Variants in UNC5D observed in about 807,000 individuals in gnomAD.
UNC5D encodes unc-5 netrin receptor D, also known as netrin receptor UNC5D.
UNC5D carries 39 observed loss-of-function variants against 105.4 expected under a neutral mutation model. That is an observed-to-expected ratio of 0.37 (90% CI 0.29 to 0.48). The LOEUF is 0.48. Among genes scored for constraint, UNC5D ranks in the 20% least tolerant of loss-of-function variants. The pLI, the probability that UNC5D is intolerant of heterozygous loss-of-function variation, is 0.98. For synonymous variants in UNC5D, 452 were observed against 450.4 expected (o/e 1.00, Z -0.04); for missense variants, 991 against 1,202.4 (o/e 0.82, Z 2.60).
chr8:35,737,924 T>C (rs949961373), intron 11 of UNC5D, among the ~76,000 whole-genome samples: 2 of 151,950 alleles, frequency 1.3e-5, no homozygotes, highest in African/African-American at 4.8e-5. Flanking sequence ...CTGACCAACA[T>C]GGAAAAACCC....
intron 3 of UNC5D, among the ~76,000 whole-genome samples, chr8:35,591,798 T>C: frequency 6.6e-6 from 1 of 152,082 alleles, no homozygotes; most frequent in Admixed American, 6.6e-5. Flanking sequence ...ATAGAACCGA[T>C]GATAGAACAA....
chr8:35,688,785 A>G (rs1826195677), intron 7 of UNC5D, among the ~76,000 whole-genome samples: 1 of 152,260 alleles, frequency 6.6e-6, no homozygotes, highest in Non-Finnish European at 1.5e-5. Context: ...TTTCCACTAC[A>G]GGAAAATACA....
intron 1 of UNC5D, among the ~76,000 whole-genome samples, chr8:35,501,395 C>T (rs534400757): frequency 6.0e-4 from 91 of 152,088 alleles, no homozygotes; most frequent in Non-Finnish European, 8.7e-4. Context: ...GGCATAAGGC[C>T]GGGGAAAGAA....
intron 4 of UNC5D, among the ~76,000 whole-genome samples, chr8:35,646,015 A>T (rs1823023571): frequency 6.6e-6 from 1 of 152,174 alleles, no homozygotes; most frequent in African/African-American, 2.4e-5. Context: ...AGAGACTGTC[A>T]ACCCAGGAAG....
In UNC5D at chr8:35,619,780, C is replaced by T. The variant is rs115159355; in HGVS notation, c.570+24123C>T. ...GAAGACACCTCCTTTTAGAATTGCT[C>T]TGCCAGATGCTGTGACCACAGTCCC... On this transcript the variant is annotated intron_variant, in intron 4 of 16. Transcript: ENST00000404895. Among the ~76,000 whole-genome samples, 968 of 152,338 alleles carry T rather than the reference C, an allele frequency of 6.4e-3. 6 individuals carry two copies. The highest frequency in any genetic ancestry group is 0.023 in the African/African-American group (938 of 41,576).
chr8:35,287,549 C>T (rs1042255174), intron 1 of UNC5D, among the ~76,000 whole-genome samples: 7 of 52,260 alleles, frequency 1.3e-4, no homozygotes, highest in African/African-American at 1.9e-4. Context: ...AATCCCAGTA[C>T]TTTGGGGGGC....
chr8:35,325,850 C>T (rs1810112642), intron 1 of UNC5D, among the ~76,000 whole-genome samples: 1 of 152,054 alleles, frequency 6.6e-6, no homozygotes. Context: ...TTAATGGTCA[C>T]CAAAACATCA....
At chr8:35,694,641 T>G (rs1826630254) in intron 7 of UNC5D, among the ~76,000 whole-genome samples, 1 of 152,084 alleles carries the variant, frequency 6.6e-6, no homozygotes, top group African/African-American at 2.4e-5. Flanking sequence ...CTAATCTGAG[T>G]GAAGCATTTT....
At chr8:35,485,187 G>A (rs1261354708) in intron 1 of UNC5D, among the ~76,000 whole-genome samples, 1 of 152,102 alleles carries the variant, frequency 6.6e-6, no homozygotes, top group South Asian at 2.1e-4. Context: ...ACAGTAGTTG[G>A]TGGCATAATT....
intron 1 of UNC5D, among the ~76,000 whole-genome samples, chr8:35,538,417 A>AG (rs1815022731): frequency 1.5e-5 from 2 of 129,820 alleles, no homozygotes; most frequent in East Asian, 4.4e-4. Flanking sequence ...ATATATATAT[A>AG]TATATATATA....
intron 1 of UNC5D, among the ~76,000 whole-genome samples, chr8:35,478,794 A>G (rs531475937): frequency 1.3e-5 from 2 of 152,314 alleles, no homozygotes; most frequent in East Asian, 1.9e-4. Context: ...GTCAAGTACA[A>G]CATTCTTTAA....
intron 1 of UNC5D, among the ~76,000 whole-genome samples, chr8:35,376,906 A>G (rs565707964): frequency 6.6e-6 from 1 of 152,302 alleles, no homozygotes; most frequent in East Asian, 1.9e-4. Context: ...CAAAAGTCAT[A>G]TCTTTTTCAT....
chr8:35,622,476 C>T (rs1821421141), intron 4 of UNC5D, among the ~76,000 whole-genome samples: 1 of 152,112 alleles, frequency 6.6e-6, no homozygotes, highest in African/African-American at 2.4e-5. Context: ...ATCTAAGTTC[C>T]TCCTCTTGTT....
intron 1 of UNC5D, among the ~76,000 whole-genome samples, chr8:35,374,326 A>G (rs1012098440): frequency 6.6e-6 from 1 of 152,186 alleles, no homozygotes; most frequent in Non-Finnish European, 1.5e-5. Context: ...ACTGGTGAAA[A>G]GAAGTTGGAG....
At chr8:35,315,608 A>C (rs1006427477) in intron 1 of UNC5D, among the ~76,000 whole-genome samples, 1 of 152,200 alleles carries the variant, frequency 6.6e-6, no homozygotes, top group Non-Finnish European at 1.5e-5. Flanking sequence ...TCACTTAGTT[A>C]ACCCAGATTG....
chr8:35,570,049 G>A (rs1817614234), intron 3 of UNC5D, among the ~76,000 whole-genome samples: 2 of 152,128 alleles, frequency 1.3e-5, no homozygotes, highest in Non-Finnish European at 2.9e-5. Context: ...AAACTTCCAG[G>A]GGTTTTGTCC....
intron 7 of UNC5D, among the ~76,000 whole-genome samples, chr8:35,702,580 G>A (rs1052297270): frequency 6.6e-6 from 1 of 152,084 alleles, no homozygotes; most frequent in African/African-American, 2.4e-5. Flanking sequence ...ATGTTCCATG[G>A]CCGGGAGCCT....
In UNC5D at chr8:35,793,268, G is replaced by A. The variant is rs574150199; in HGVS notation, c.*2705G>A. On this transcript the variant is annotated 3_prime_UTR_variant, in exon 17 of 17. Coordinates refer to ENST00000404895, the MANE Select transcript of UNC5D (RefSeq NM_080872.4). The stretch of plus-strand genomic sequence containing the variant: ...TGTGAGATTTACAGACCAAGGTGTG[G>A]TGGAGGAGGTAGAATTGCAGATCAG... 17 of 401,728 alleles carry A rather than the reference G, an allele frequency of 4.2e-5. No individual in the cohort carries two copies. The highest frequency in any genetic ancestry group is 2.7e-4 in the South Asian group (15 of 56,040). The allele number at this position is 401,728 out of a possible 1,614,324, so 24.9% of individuals were successfully genotyped here. A position where few individuals can be genotyped will look rare whatever the true frequency, so the allele number is the denominator to read the frequency against.
In UNC5D at chr8:35,248,820, T is replaced by C. The variant is rs1267337868; in HGVS notation, c.103+12933T>C. On this transcript the variant is annotated intron_variant, in intron 1 of 16. Transcript: ENST00000404895. ...ATAAAAATATAATATATAATATATA[T>C]AATATTTATATTTTAAAAATATATT... is the stretch of plus-strand genomic sequence containing the variant. Among the ~76,000 whole-genome samples, 3 of 96,874 alleles carry C rather than the reference T, an allele frequency of 3.1e-5. No homozygotes were observed. The East Asian group carries it at 9.9e-4, about 32-fold the overall frequency. 63.6% of individuals were successfully genotyped at this position (96,874 alleles called of 152,430 possible).
Sources: gnomAD v4.1 joint callset for allele counts (sites outside exome capture counted in the v4.1 genomes callset) on GRCh38, gnomAD v4.1.1 for gene constraint, MANE v1.5 for transcripts, NCBI Gene and HGNC (gene_info 2026-07-23, HGNC 2026-07-21) for gene names.